RFX3: variants seen among roughly 807,000 people sequenced by gnomAD.
The protein encoded by RFX3 is regulatory factor X3.
In RFX3, 14 loss-of-function variants were observed where a neutral mutation model predicts 98.6. That is an observed-to-expected ratio of 0.14 (90% CI 0.09 to 0.22). RFX3 has a LOEUF of 0.22. RFX3 is among the 10% of genes least tolerant of loss of function. RFX3 has a pLI of 1.00. For missense variants in RFX3, 639 were observed against 926.9 expected (o/e 0.69, Z 4.03); for synonymous variants, 383 against 328.4 (o/e 1.17, Z -1.80).
chr9:3,346,693 G>T lies in RFX3; in HGVS notation c.189C>A (p.Ser63Arg), dbSNP rs374523798. Residue 63 changes from serine to arginine, a missense_variant, in exon 3 of 17, where the codon AGC becomes AGA. Physicochemically the swap from Ser to Arg is moderately radical, Grantham distance 110 (BLOSUM62 -1). Around this residue, in one of 9 missense-constraint regions of RFX3, gnomAD observed 210 missense variants for 197.7 expected, o/e 1.06. Coordinates refer to ENST00000617270, the MANE Select transcript of RFX3 (RefSeq NM_001282116.2). ...TTGCTCCATTGGTATAGACAGTATC[G>T]CTTCCTTCCACATACTGCACCTGAG... ...YPAQVQYVEG[S>R]DTVYTNGAIR... 3 of 1,611,084 alleles carry T rather than the reference G, an allele frequency of 1.9e-6. No homozygotes were observed. Among genetic ancestry groups the T allele is most frequent in the Non-Finnish European group, 2.5e-6 (3 of 1,177,444 alleles).
chr9:3,389,622 G>T (rs1399844923), intron 2 of RFX3, among the ~76,000 whole-genome samples: 5 of 152,124 alleles, frequency 3.3e-5, no homozygotes, highest in Middle Eastern at 3.4e-3. Context: ...AACTTTTTGA[G>T]TGCCAGTATG....
chr9:3,438,428 G>A (rs1307274629), intron 1 of RFX3, among the ~76,000 whole-genome samples: 1 of 151,720 alleles, frequency 6.6e-6, no homozygotes, highest in African/African-American at 2.4e-5. Context: ...TAGAAACCAT[G>A]AAAAATATGG....
At chr9:3,354,023 A>C (rs987743308) in intron 2 of RFX3, among the ~76,000 whole-genome samples, 4 of 152,064 alleles carry the variant, frequency 2.6e-5, no homozygotes, top group African/African-American at 7.2e-5. Flanking sequence ...ACAATATGTA[A>C]AATTAAAATT....
intron 2 of RFX3, among the ~76,000 whole-genome samples, chr9:3,369,154 G>A (rs904656009): frequency 6.6e-6 from 1 of 152,196 alleles, no homozygotes; most frequent in Non-Finnish European, 1.5e-5. Context: ...GTTTTAGTCC[G>A]TTCAGTCTGC....
rs199859239 is a variant in RFX3 at position 3,228,923 on chromosome 9, T to C, written c.1969-34A>G. 9.3e-5 allele frequency: 147 copies of C among 1,579,608 alleles called. 1 individual carries two copies. Among genetic ancestry groups the C allele is most frequent in the Middle Eastern group, 1.7e-4 (1 of 5,970 alleles). On this transcript the variant is annotated intron_variant, in intron 15 of 16. Coordinates refer to ENST00000617270, the MANE Select transcript of RFX3 (RefSeq NM_001282116.2). ...CAATAGTCATTTGTGCAATAGTTAA[T>C]ATAGGGCAGAATAAAATAATACTCT...
chr9:3,443,972 G>A (rs768074313), intron 1 of RFX3, among the ~76,000 whole-genome samples: 2 of 152,172 alleles, frequency 1.3e-5, no homozygotes, highest in Non-Finnish European at 2.9e-5. Context: ...ATGCTGGTTG[G>A]AATTTAAAAC....
intron 2 of RFX3, among the ~76,000 whole-genome samples, chr9:3,379,090 T>C (rs1838892798): frequency 6.6e-6 from 1 of 152,192 alleles, no homozygotes; most frequent in African/African-American, 2.4e-5. Flanking sequence ...TGAGGACCCA[T>C]TATGTGCCAG....
In RFX3 at chr9:3,405,521, T is replaced by A. The variant is rs183267354; in HGVS notation, c.-8-9925A>T. Among the ~76,000 whole-genome samples the A allele has an allele frequency of 4.3e-4, 65 of 152,308 alleles. 1 individual carries two copies. The highest frequency in any genetic ancestry group is 1.5e-3 in the African/African-American group (63 of 41,574). ...TTCTATTAAACTTTCTGCCAATAAC[T>A]GCTGTTACATGCCTTGGGGAATACA... is the stretch of plus-strand genomic sequence containing the variant. On this transcript the variant is annotated intron_variant, in intron 1 of 16. Coordinates refer to ENST00000617270, the MANE Select transcript of RFX3 (RefSeq NM_001282116.2).
At chr9:3,229,936 A>C (rs1185328142) in intron 15 of RFX3, among the ~76,000 whole-genome samples, 1 of 152,156 alleles carries the variant, frequency 6.6e-6, no homozygotes, top group Non-Finnish European at 1.5e-5. Context: ...ACTGTTCTTC[A>C]CAGTAGCTAC....
At chr9:3,292,109 G>T (rs2986684) in intron 6 of RFX3, among the ~76,000 whole-genome samples, 38,741 of 100,012 alleles carry the variant, frequency 0.39, 8,659 homozygotes, top group African/African-American at 0.68. Context: ...AACTCTTTAC[G>T]AAAATACTCT....
intron 2 of RFX3, among the ~76,000 whole-genome samples, chr9:3,372,773 A>G (rs1336176797): frequency 1.3e-5 from 2 of 151,850 alleles, no homozygotes; most frequent in Non-Finnish European, 2.9e-5. Context: ...TTTAGTAGAG[A>G]TAGGGTTTTA....
At chr9:3,508,906 A>T (rs1443580853) in intron 1 of RFX3, among the ~76,000 whole-genome samples, 1 of 151,804 alleles carries the variant, frequency 6.6e-6, no homozygotes, top group Non-Finnish European at 1.5e-5. Flanking sequence ...CACAATACCG[A>T]AACTAATTCA....
At chr9:3,390,967 T>A (rs1840253316) in intron 2 of RFX3, among the ~76,000 whole-genome samples, 2 of 152,190 alleles carry the variant, frequency 1.3e-5, no homozygotes, top group African/African-American at 4.8e-5. Flanking sequence ...CACCAACCTA[T>A]ATATAATATT....
intron 1 of RFX3, among the ~76,000 whole-genome samples, chr9:3,429,119 T>C (rs986625882): frequency 2.0e-5 from 3 of 149,718 alleles, no homozygotes; most frequent in African/African-American, 7.4e-5. Flanking sequence ...GCCTCCCGGG[T>C]TCATGCCATT....
chr9:3,498,563 A>C (rs1298198705), intron 1 of RFX3, among the ~76,000 whole-genome samples: 1 of 152,070 alleles, frequency 6.6e-6, no homozygotes, highest in Non-Finnish European at 1.5e-5. Context: ...TACTTCCCTG[A>C]AAACTTCTTT....
At chr9:3,472,488 T>G (rs1414545408) in intron 1 of RFX3, among the ~76,000 whole-genome samples, 1 of 152,132 alleles carries the variant, frequency 6.6e-6, no homozygotes, top group African/African-American at 2.4e-5. Flanking sequence ...TTCAGTATAA[T>G]TTTTGTTCTA....
At chr9:3,277,485 A>AG in intron 7 of RFX3, 24 bp from the exon 8 acceptor site, 2 of 1,605,284 alleles carry the variant, frequency 1.2e-6, no homozygotes, top group Non-Finnish European at 1.7e-6. Flanking sequence ...ATGGAAAAAA[A>AG]CAAATAAACC....
At position 3,266,682 on chromosome 9, in the gene RFX3, C is replaced by T. The variant is rs140035066; in HGVS notation, c.1358-377G>A. Reference sequence around the variant, plus strand: ...AAGGCTATGTATTTTCTTTAAAATTCTTCATCTTGTTCTTTCAAGCTCTTA... The same window carrying T: ...AAGGCTATGTATTTTCTTTAAAATTTTTCATCTTGTTCTTTCAAGCTCTTA... On this transcript the variant is annotated intron_variant, in intron 11 of 16. Coordinates refer to ENST00000617270, the MANE Select transcript of RFX3 (RefSeq NM_001282116.2). Among the ~76,000 whole-genome samples, 925 of 152,008 alleles carry T rather than the reference C, an allele frequency of 6.1e-3. 3 individuals carry two copies. Among genetic ancestry groups the T allele is most frequent in the Non-Finnish European group, 9.9e-3 (670 of 67,862 alleles).
Position 3,292,062 on chromosome 9 carries a change from A to AC in RFX3, c.731+1014_731+1015insG, listed in dbSNP as rs1491463504. Among the ~76,000 whole-genome samples, 20 of 26,336 alleles carry AC rather than the reference A, an allele frequency of 7.6e-4. No individual in the cohort carries two copies. In the East Asian group the frequency reaches 8.1e-3, roughly 11 times the overall value. The allele number at this position is 26,336 out of a possible 152,430, so 17.3% of individuals were successfully genotyped here. A position where few individuals can be genotyped will look rare whatever the true frequency, so the allele number is the denominator to read the frequency against. ...CAGAAACAGAGTGAGACTCCATCTC[A>AC]AAAAAAAAAAAAAAAAAAAAAAAAA... On this transcript the variant is annotated intron_variant, in intron 6 of 16. Transcript: ENST00000617270.
Sources: allele counts gnomAD v4.1 joint callset (sites outside exome capture counted in the v4.1 genomes callset), GRCh38; gene constraint gnomAD v4.1.1; regional missense constraint gnomAD v4.1.1; transcripts MANE v1.5; gene names NCBI Gene and HGNC (gene_info 2026-07-23, HGNC 2026-07-21).